KLHL1: variants seen among roughly 807,000 people sequenced by gnomAD.
The protein encoded by KLHL1 is kelch like family member 1, also known as kelch-like protein 1.
KLHL1 carries 47 observed loss-of-function variants against 77.7 expected under a neutral mutation model. The observed-to-expected ratio is 0.60, with a 90% CI of 0.48 to 0.77. The LOEUF is 0.77. Ranked by LOEUF, KLHL1 falls within the 30% of genes least tolerant of loss-of-function variation. The pLI is 0.00. For synonymous variants in KLHL1, 360 were observed against 325.2 expected (o/e 1.11, Z -1.15); for missense variants, 925 against 910.8 (o/e 1.02, Z -0.20).
chr13:69,859,912 A>G (rs747244954), intron 5 of KLHL1, among the ~76,000 whole-genome samples: 7 of 152,120 alleles, frequency 4.6e-5, no homozygotes, highest in Non-Finnish European at 1.0e-4. Context: ...GACTCACCTC[A>G]GGAATAATAG....
intron 5 of KLHL1, among the ~76,000 whole-genome samples, chr13:69,858,356 C>G (rs1880004990): frequency 6.6e-6 from 1 of 152,124 alleles, no homozygotes; most frequent in Non-Finnish European, 1.5e-5. Flanking sequence ...AAAGACATAA[C>G]TGTTAACCAC....
At chr13:69,955,554 T>G (rs1196598246) in intron 3 of KLHL1, among the ~76,000 whole-genome samples, 1 of 151,210 alleles carries the variant, frequency 6.6e-6, no homozygotes, top group African/African-American at 2.4e-5. Flanking sequence ...TGCAATTCCA[T>G]CTCCCATATT....
intron 1 of KLHL1, among the ~76,000 whole-genome samples, chr13:69,988,545 C>T (rs908625558): frequency 2.6e-5 from 4 of 152,032 alleles, no homozygotes; most frequent in African/African-American, 4.8e-5. Flanking sequence ...CACTGTCTTC[C>T]GCAACAGATG....
At chr13:69,977,895 G>A (rs997529353) in intron 1 of KLHL1, among the ~76,000 whole-genome samples, 1 of 152,092 alleles carries the variant, frequency 6.6e-6, no homozygotes, top group African/African-American at 2.4e-5. Flanking sequence ...AATTGACAGA[G>A]AAGCTTACCA....
intron 4 of KLHL1, among the ~76,000 whole-genome samples, chr13:69,901,975 T>C (rs1159898181): frequency 6.6e-6 from 1 of 152,054 alleles, no homozygotes; most frequent in African/African-American, 2.4e-5. Flanking sequence ...TTTTTTTGTA[T>C]TGTTAGCAGA....
intron 4 of KLHL1, among the ~76,000 whole-genome samples, chr13:69,888,741 C>T (rs1451595344): frequency 6.6e-6 from 1 of 151,644 alleles, no homozygotes; most frequent in African/African-American, 2.4e-5. Context: ...GTCTTTTAAG[C>T]CACCCATTTT....
chr13:69,914,896 GTAAATGGTAC>G (rs1882368857), intron 4 of KLHL1, among the ~76,000 whole-genome samples: 1 of 152,146 alleles, frequency 6.6e-6, no homozygotes, highest in Non-Finnish European at 1.5e-5. Flanking sequence ...AAAATTAGGT[GTAAATGGTAC>G]TAACCTTAAG....
intron 1 of KLHL1, among the ~76,000 whole-genome samples, chr13:70,062,249 A>T (rs962738518): frequency 6.6e-6 from 1 of 152,222 alleles, no homozygotes; most frequent in African/African-American, 2.4e-5. Context: ...AGAAATTTTG[A>T]GATAAATATG....
intron 1 of KLHL1, among the ~76,000 whole-genome samples, chr13:70,025,639 T>C (rs974723339): frequency 4.0e-5 from 6 of 151,782 alleles, no homozygotes; most frequent in African/African-American, 1.4e-4. Context: ...ATTCAGAACA[T>C]AGTCACAATT....
At chr13:70,096,454 G>A (rs116438559) in intron 1 of KLHL1, among the ~76,000 whole-genome samples, 3,045 of 152,024 alleles carry the variant, frequency 0.02, 94 homozygotes, top group African/African-American at 0.069. Context: ...ATGATGGTGA[G>A]CATTTTTACA....
intron 5 of KLHL1, among the ~76,000 whole-genome samples, chr13:69,843,084 TA>T (rs1879330043): frequency 6.6e-6 from 1 of 151,640 alleles, no homozygotes; most frequent in Admixed American, 6.6e-5. Context: ...AGTTAAAGGG[TA>T]AAACTCTCAG....
At chr13:70,065,311 G>T (rs543719606) in intron 1 of KLHL1, among the ~76,000 whole-genome samples, 1 of 152,222 alleles carries the variant, frequency 6.6e-6, no homozygotes, top group East Asian at 1.9e-4. Context: ...TGAGGGTCAA[G>T]AACTTGCCTA....
chr13:69,774,140 C>A (rs1366491168), intron 7 of KLHL1, among the ~76,000 whole-genome samples: 1 of 151,714 alleles, frequency 6.6e-6, no homozygotes, highest in East Asian at 1.9e-4. Context: ...TCTTTTTAAA[C>A]ATATTTAAAA....
intron 1 of KLHL1, among the ~76,000 whole-genome samples, chr13:70,040,700 GTTATT>G (rs1886358184): frequency 6.6e-6 from 1 of 152,074 alleles, no homozygotes; most frequent in African/African-American, 2.4e-5. Flanking sequence ...TTTTGGGGGG[GTTATT>G]TTGTTTTAGA....
intron 2 of KLHL1, 129 bp downstream of exon 2, chr13:69,975,491 C>T (rs1451198061): frequency 7.7e-6 from 6 of 783,168 alleles, no homozygotes; most frequent in Non-Finnish European, 1.2e-5. Context: ...CAAACAACAA[C>T]AACAACAAAA....
chr13:69,751,152 C>CTGTG (rs1874462374), intron 7 of KLHL1, among the ~76,000 whole-genome samples: 2 of 137,824 alleles, frequency 1.5e-5, no homozygotes, highest in South Asian at 4.6e-4. Context: ...GTGTGTGTAT[C>CTGTG]TGTGTTGGGA....
intron 1 of KLHL1, among the ~76,000 whole-genome samples, chr13:69,979,333 A>T (rs1219631423): frequency 6.6e-6 from 1 of 152,034 alleles, no homozygotes; most frequent in African/African-American, 2.4e-5. Context: ...TCTCTCACAC[A>T]TTTCCTCACA....
At position 69,897,461 on chromosome 13, in the gene KLHL1, A is replaced by G. The variant is rs369649022; in HGVS notation, c.1015-14966T>C. ...AGACTTGTGACTTTATTGAAAAACT[A>G]TATAGAACACTTAGAGATTGATCTT... is the stretch of plus-strand genomic sequence containing the variant. On this transcript the variant is annotated intron_variant, in intron 4 of 10. Transcript: ENST00000377844. Among the ~76,000 whole-genome samples, 45 of 152,344 alleles carry G rather than the reference A, an allele frequency of 3.0e-4. No individual in the cohort carries two copies. In the East Asian group the frequency reaches 7.3e-3, roughly 25 times the overall value.
At chr13:69,773,137 G>C (rs912089032) in intron 7 of KLHL1, among the ~76,000 whole-genome samples, 5 of 146,368 alleles carry the variant, frequency 3.4e-5, no homozygotes, top group Admixed American at 2.0e-4. Context: ...TTTTATTTTT[G>C]TACATGCATA....
Sources: gnomAD v4.1 joint callset for allele counts (sites outside exome capture counted in the v4.1 genomes callset) on GRCh38, gnomAD v4.1.1 for gene constraint, MANE v1.5 for transcripts, NCBI Gene and HGNC (gene_info 2026-07-23, HGNC 2026-07-21) for gene names.